MTSS1: variants seen among roughly 807,000 people sequenced by gnomAD.
The protein encoded by MTSS1 is MTSS I-BAR domain containing 1.
MTSS1 carries 18 observed loss-of-function variants against 79.0 expected under a neutral mutation model. The observed-to-expected ratio is 0.23, with a 90% CI of 0.16 to 0.34. MTSS1 has a LOEUF of 0.34. MTSS1 is among the 10% of genes least tolerant of loss of function. The pLI, the probability that MTSS1 is intolerant of heterozygous loss-of-function variation, is 1.00. For synonymous variants in MTSS1, 341 were observed against 368.6 expected, an observed-to-expected ratio of 0.93 and a Z score of 0.86; for missense variants, 815 against 986.2, an observed-to-expected ratio of 0.83 and a Z score of 2.33.
intron 1 of MTSS1, among the ~76,000 whole-genome samples, chr8:124,721,450 G>C (rs1346293288): frequency 8.2e-6 from 1 of 121,892 alleles, no homozygotes; most frequent in African/African-American, 3.1e-5. Flanking sequence ...TCATTCTGTC[G>C]CCAGGCTGGA....
Position 124,557,728 on chromosome 8 carries a change from T to C in MTSS1, c.1183A>G (p.Thr395Ala). ...VHLPDYAHYY[T>A]IGPGMFPSSQ... ...GACGGGAACATGCCGGGCCCAATGG[T>C]GTAATAATGAGCGTAGTCTGGAAGG... Residue 395 changes from threonine to alanine, a missense_variant, in exon 11 of 14, where the codon ACC becomes GCC. Around this residue, in one of 2 missense-constraint regions of MTSS1, gnomAD observed 590 missense variants for 620.8 expected, o/e 0.95. Coordinates refer to ENST00000518547, the MANE Select transcript of MTSS1 (RefSeq NM_014751.6). The C allele has an allele frequency of 1.3e-6, 2 of 1,598,026 alleles. No homozygotes were observed. Among genetic ancestry groups the C allele is most frequent in the Non-Finnish European group, 1.7e-6 (2 of 1,172,552 alleles).
At chr8:124,612,574 A>ATGTGTGTGTGTGTGTGTG (rs58367314) in intron 3 of MTSS1, among the ~76,000 whole-genome samples, 17 of 99,576 alleles carry the variant, frequency 1.7e-4, no homozygotes, top group Non-Finnish European at 2.4e-4. Context: ...CAAGTTTAAA[A>ATGTGTGTGTGTGTGTGTG]TGTGTGTGTG....
intron 1 of MTSS1, among the ~76,000 whole-genome samples, chr8:124,714,572 C>T (rs1831643572): frequency 6.6e-6 from 1 of 152,168 alleles, no homozygotes; most frequent in Non-Finnish European, 1.5e-5. Flanking sequence ...AAGTGATCTT[C>T]CTGCCCCAGC....
At chr8:124,672,781 G>A (rs1424633899) in intron 3 of MTSS1, among the ~76,000 whole-genome samples, 3 of 152,040 alleles carry the variant, frequency 2.0e-5, no homozygotes, top group African/African-American at 7.3e-5. Flanking sequence ...CTGCATTTCA[G>A]CCTGGGAAAC....
chr8:124,589,378 A>C (rs1167688382), intron 5 of MTSS1, among the ~76,000 whole-genome samples: 1 of 152,160 alleles, frequency 6.6e-6, no homozygotes, highest in East Asian at 1.9e-4. Context: ...CCACTGAGGG[A>C]TCAGACTATC....
chr8:124,581,224 CG>C (rs1375049423), intron 6 of MTSS1, among the ~76,000 whole-genome samples: 1 of 142,632 alleles, frequency 7.0e-6, no homozygotes, highest in East Asian at 2.1e-4. Flanking sequence ...GAGGCTGAGG[CG>C]GGAAGATCCC....
Position 124,689,181 on chromosome 8 carries a change from G to A in MTSS1, c.208+10345C>T, listed in dbSNP as rs137939983. ...TTTTCCTACAGCAGAGGACACAAGC[G>A]CAGGTTAAAGTGAAAATTTTAGTTC... On this transcript the variant is annotated intron_variant, in intron 3 of 13. Coordinates refer to ENST00000518547, the MANE Select transcript of MTSS1 (RefSeq NM_014751.6). Among the ~76,000 whole-genome samples, 734 of 152,118 alleles carry A rather than the reference G, an allele frequency of 4.8e-3. 7 individuals are homozygous for A. The highest frequency in any genetic ancestry group is 0.017 in the African/African-American group (688 of 41,490).
chr8:124,660,461 CA>C (rs1193659784), intron 3 of MTSS1, among the ~76,000 whole-genome samples: 145 of 151,788 alleles, frequency 9.6e-4, no homozygotes, highest in African/African-American at 3.2e-3. Flanking sequence ...CACACACACA[CA>C]CACACACACA....
intron 11 of MTSS1, 114 bp from the exon 12 acceptor site, chr8:124,556,519 C>A: frequency 8.2e-7 from 1 of 1,217,624 alleles, no homozygotes; most frequent in Non-Finnish European, 1.1e-6. Flanking sequence ...GGGGAACCTC[C>A]GGCTGGGACA....
chr8:124,598,530 C>G (rs3892558), intron 3 of MTSS1, among the ~76,000 whole-genome samples: 24,795 of 152,100 alleles, frequency 0.16, 2,187 homozygotes, highest in East Asian at 0.32. Flanking sequence ...AGCCACCTGA[C>G]ATGCTCACTG....
chr8:124,615,035 G>A (rs1281645780), intron 3 of MTSS1, among the ~76,000 whole-genome samples: 2 of 152,216 alleles, frequency 1.3e-5, no homozygotes, highest in African/African-American at 4.8e-5. Context: ...TCCAGAAGGC[G>A]GGAAGATGCA....
At position 124,728,225 on chromosome 8, in the gene MTSS1, A is replaced by C. The variant is rs1834015943; in HGVS notation, c.-270T>G. On this transcript the variant is annotated 5_prime_UTR_variant, in exon 1 of 14. It adds an upstream start codon to the 5' untranslated region. Transcript: ENST00000518547. The surrounding 1 kb of genome is among the most constrained non-coding windows in gnomAD (Gnocchi z 6.1). ...TTAAAAATGCCGGGAGAAGACTGACAATCAGGCCACCACTGGTGCCCACTA... is the reference window on the plus strand; with the variant it reads ...TTAAAAATGCCGGGAGAAGACTGACCATCAGGCCACCACTGGTGCCCACTA... 2 of 331,460 alleles carry C rather than the reference A, an allele frequency of 6.0e-6. No individual in the cohort carries two copies. Among genetic ancestry groups the C allele is most frequent in the African/African-American group, 2.2e-5 (1 of 46,366 alleles). 20.5% of individuals were successfully genotyped at this position (331,460 alleles called of 1,614,324 possible). A position where few individuals can be genotyped will look rare whatever the true frequency, so the allele number is the denominator to read the frequency against.
chr8:124,590,758 C>T (rs1257697780), intron 4 of MTSS1, among the ~76,000 whole-genome samples: 2 of 152,224 alleles, frequency 1.3e-5, no homozygotes, highest in African/African-American at 4.8e-5. Context: ...TGCCACATCC[C>T]TCAGTGAGTC....
chr8:124,559,059 A>C (rs1009749421), intron 10 of MTSS1, among the ~76,000 whole-genome samples: 1 of 152,192 alleles, frequency 6.6e-6, no homozygotes, highest in Admixed American at 6.5e-5. Context: ...CCTTGAAAAG[A>C]AGCGTGCGAC....
rs766030308 is a variant in MTSS1 at position 124,553,091 on chromosome 8, C to G, written c.2169G>C (p.Arg723Ser). ...PESDPADLSP[R>S]DTPQGEDMLN... is the part of the protein sequence containing the mutation. The stretch of plus-strand genomic sequence containing the variant: ...GCATGTCTTCTCCTTGTGGAGTATC[C>G]CTTGGGCTCAGGTCTGCAGGGTCAC... Residue 723 changes from arginine to serine, a missense_variant, in exon 14 of 14, where the codon AGG becomes AGC. Arg to Ser is a moderately radical substitution (Grantham distance 110). Coordinates refer to ENST00000518547, the MANE Select transcript of MTSS1 (RefSeq NM_014751.6). The surrounding 1 kb of genome is among the most constrained non-coding windows in gnomAD (Gnocchi z 6.0). The G allele has an allele frequency of 1.9e-6, 3 of 1,614,046 alleles. No homozygotes were observed. The South Asian group carries it at 3.3e-5, about 18-fold the overall frequency.
chr8:124,670,280 A>C (rs992417805), intron 3 of MTSS1, among the ~76,000 whole-genome samples: 27 of 152,266 alleles, frequency 1.8e-4, no homozygotes, highest in East Asian at 7.7e-4. Context: ...GGGAACAGCA[A>C]ATATTGTGAT....
intron 3 of MTSS1, among the ~76,000 whole-genome samples, chr8:124,653,811 T>C (rs771754888): frequency 1.2e-4 from 19 of 152,186 alleles, no homozygotes; most frequent in Non-Finnish European, 2.4e-4. Flanking sequence ...CTTTTCCCCC[T>C]AGGATATACA....
At chr8:124,556,451 T>C in intron 11 of MTSS1, 46 bp from the exon 12 acceptor site, 1 of 1,559,174 alleles carries the variant, frequency 6.4e-7, no homozygotes, top group Non-Finnish European at 8.7e-7. Flanking sequence ...CTGCCTCCAC[T>C]GGAGGGCTGC....
intron 3 of MTSS1, among the ~76,000 whole-genome samples, chr8:124,668,268 C>T (rs965573461): frequency 2.0e-5 from 3 of 152,158 alleles, no homozygotes; most frequent in Non-Finnish European, 4.4e-5. Flanking sequence ...CGTGCCCTGT[C>T]TTGTTAGGCA....
Sources: allele counts gnomAD v4.1 joint callset (sites outside exome capture counted in the v4.1 genomes callset), GRCh38; gene constraint gnomAD v4.1.1; regional missense constraint gnomAD v4.1.1; non-coding constraint Gnocchi (gnomAD v3.1); transcripts MANE v1.5; gene names NCBI Gene and HGNC (gene_info 2026-07-23, HGNC 2026-07-21).